The following EML1 variants were observed in gnomAD, a reference collection of about 807,000 sequenced individuals.
EML1 encodes echinoderm microtubule-associated protein-like 1.
In EML1, 27 loss-of-function variants were observed where a neutral mutation model predicts 110.4. The observed-to-expected ratio is 0.24, with a 90% CI of 0.18 to 0.34. The LOEUF (loss-of-function observed/expected upper bound fraction) is 0.34. Ranked by LOEUF, EML1 falls within the 10% of genes least tolerant of loss-of-function variation. The pLI is 1.00. For synonymous variants in EML1, 344 were observed against 385.8 expected, an observed-to-expected ratio of 0.89 and a Z score of 1.27; for missense variants, 741 against 1,030.9, an observed-to-expected ratio of 0.72 and a Z score of 3.85.
chr14:99,910,151 AGATG>A (rs2059922897), intron 11 of EML1, 87 bp from the exon 12 acceptor site: 1 of 931,202 alleles, frequency 1.1e-6, no homozygotes, highest in African/African-American at 1.7e-5. Flanking sequence ...CTGCGAATCT[AGATG>A]TTATTAGTAC....
chr14:99,907,533 T>C, intron 9 of EML1, 105 bp from the exon 10 acceptor site: 3 of 952,250 alleles, frequency 3.2e-6, no homozygotes, highest in Non-Finnish European at 4.8e-6. Flanking sequence ...TTAACTACAA[T>C]GTAGCAGACT....
At chr14:99,765,117 A>C (rs2057354674) in intron 1 of EML1, among the ~76,000 whole-genome samples, 1 of 151,546 alleles carries the variant, frequency 6.6e-6, no homozygotes, top group Admixed American at 6.6e-5. Flanking sequence ...TTTTTTCTTT[A>C]ATTTGTAGAG....
At chr14:99,898,141 A>G in intron 7 of EML1, 92 bp from the exon 8 acceptor site, 1 of 1,058,154 alleles carries the variant, frequency 9.5e-7, no homozygotes, top group Non-Finnish European at 1.3e-6. Flanking sequence ...TATATTTCTT[A>G]TATTTAAATT....
chr14:99,886,196 A>G (rs2059471915), intron 4 of EML1: 1 of 232,262 alleles, frequency 4.3e-6, no homozygotes, highest in Admixed American at 5.4e-5. Flanking sequence ...AAAAGCAGTC[A>G]TGTGGCTGAG....
chr14:99,755,648 G>A (rs1205054348), intron 1 of EML1, among the ~76,000 whole-genome samples: 2 of 152,148 alleles, frequency 1.3e-5, no homozygotes, highest in Non-Finnish European at 2.9e-5. Context: ...CCCATTCCGT[G>A]GTCACTTGCC....
chr14:99,778,786 G>GTATT (rs891181890), intron 1 of EML1, among the ~76,000 whole-genome samples: 3 of 152,258 alleles, frequency 2.0e-5, no homozygotes, highest in Admixed American at 2.0e-4. Flanking sequence ...CCTCAAAAAT[G>GTATT]TATTCTTTGC....
intron 1 of EML1, among the ~76,000 whole-genome samples, chr14:99,751,265 G>C (rs921315781): frequency 6.6e-6 from 1 of 151,946 alleles, no homozygotes; most frequent in Admixed American, 6.6e-5. Flanking sequence ...ACCACAGGGG[G>C]GTGGGCAGGG....
Position 99,939,976 on chromosome 14 carries a change from A to G in EML1, c.2323-11A>G, listed in dbSNP as rs2060558741. On this transcript the variant is annotated splice_polypyrimidine_tract_variant and intron_variant, in intron 21 of 21. Transcript: ENST00000262233. The surrounding 1 kb of genome is among the most constrained non-coding windows in gnomAD (Gnocchi z 4.2). ...AGTAAAGGAAGCTTTCCCCCGTATC[A>G]TTCCCTCCAGGCTCCAAGCCACATC... is the stretch of plus-strand genomic sequence containing the variant. 6 of 1,555,666 alleles carry G rather than the reference A, an allele frequency of 3.9e-6. No homozygotes were observed. Among genetic ancestry groups the G allele is most frequent in the African/African-American group, 1.4e-5 (1 of 72,412 alleles).
At chr14:99,845,906 C>T (rs904810438) in intron 1 of EML1, among the ~76,000 whole-genome samples, 5 of 151,814 alleles carry the variant, frequency 3.3e-5, no homozygotes, top group African/African-American at 4.8e-5. Context: ...AAAAATTAGC[C>T]GGCGTTGGTG....
intron 1 of EML1, among the ~76,000 whole-genome samples, chr14:99,764,776 T>G (rs2057350653): frequency 1.3e-5 from 2 of 152,202 alleles, no homozygotes; most frequent in Admixed American, 1.3e-4. Flanking sequence ...TGATACAGTT[T>G]CTTGATAGAC....
At chr14:99,770,819 C>G (rs916541215), upstream of EML1, among the ~76,000 whole-genome samples, 8 of 100,722 alleles carry the variant, frequency 7.9e-5, no homozygotes, top group African/African-American at 2.9e-4. Context: ...GAGTCTCGCT[C>G]TGTTGTCCAG....
At chr14:99,870,264 C>G (rs1003704593) in intron 3 of EML1, among the ~76,000 whole-genome samples, 2 of 152,218 alleles carry the variant, frequency 1.3e-5, no homozygotes, top group Non-Finnish European at 2.9e-5. Flanking sequence ...AAGGCCTTAA[C>G]TCTCTTCAAT....
chr14:99,890,655 T>A (rs1008933736), intron 4 of EML1, among the ~76,000 whole-genome samples: 1 of 152,166 alleles, frequency 6.6e-6, no homozygotes, highest in Non-Finnish European at 1.5e-5. Flanking sequence ...AGCAGGGGTG[T>A]CCCTACCTCT....
At chr14:99,900,190 T>C (rs1369459681) in intron 8 of EML1, among the ~76,000 whole-genome samples, 1 of 147,076 alleles carries the variant, frequency 6.8e-6, no homozygotes, top group East Asian at 2.0e-4. Context: ...TCTTTTTTTT[T>C]TTTTTTTTTT....
intron 1 of EML1, among the ~76,000 whole-genome samples, chr14:99,818,471 T>C (rs2058206502): frequency 6.6e-6 from 1 of 152,138 alleles, no homozygotes; most frequent in Admixed American, 6.5e-5. Flanking sequence ...ATGGAATCAG[T>C]CAAAGATACA....
intron 1 of EML1, among the ~76,000 whole-genome samples, chr14:99,778,611 T>C (rs1199084281): frequency 6.6e-6 from 1 of 152,204 alleles, no homozygotes; most frequent in African/African-American, 2.4e-5. Flanking sequence ...TCTTGGCAAC[T>C]CCCTCGTTTT....
At chr14:99,820,540 A>G (rs976072775) in intron 1 of EML1, among the ~76,000 whole-genome samples, 7 of 152,224 alleles carry the variant, frequency 4.6e-5, no homozygotes, top group South Asian at 2.1e-4. Flanking sequence ...CACCAGTTCA[A>G]TGCACAGTCA....
intron 1 of EML1, among the ~76,000 whole-genome samples, chr14:99,845,406 T>C (rs890002831): frequency 5.9e-5 from 9 of 152,226 alleles, no homozygotes; most frequent in African/African-American, 2.2e-4. Flanking sequence ...AAGTTCTTTA[T>C]ATTTCTCATT....
At chr14:99,839,852 A>G (rs1310519073) in intron 1 of EML1, among the ~76,000 whole-genome samples, 1 of 152,188 alleles carries the variant, frequency 6.6e-6, no homozygotes, top group Non-Finnish European at 1.5e-5. Context: ...GGAGGTGAGC[A>G]GGACACAGGG....
Sources: allele counts gnomAD v4.1 joint callset (sites outside exome capture counted in the v4.1 genomes callset), GRCh38; gene constraint gnomAD v4.1.1; non-coding constraint Gnocchi (gnomAD v3.1); transcripts MANE v1.5; gene names NCBI Gene and HGNC (gene_info 2026-07-23, HGNC 2026-07-21).